CAMKK1: variants seen among roughly 807,000 people sequenced by gnomAD.
CAMKK1 encodes the protein calcium/calmodulin dependent protein kinase kinase 1.
In CAMKK1, 20 loss-of-function variants were observed where a neutral mutation model predicts 63.5. The ratio of observed to expected loss-of-function variants is 0.32; its 90% confidence interval spans 0.22 to 0.46. The LOEUF is 0.46. Ranked by LOEUF, CAMKK1 falls within the 20% of genes least tolerant of loss-of-function variation. The pLI, the probability that CAMKK1 is intolerant of heterozygous loss-of-function variation, is 1.00. For synonymous variants in CAMKK1, 253 were observed against 269.0 expected (o/e 0.94, Z 0.58); for missense variants, 588 against 658.1 (o/e 0.89, Z 1.17).
chr17:3,884,495 C>A lies in CAMKK1; in HGVS notation c.361-68G>T. On this transcript the variant is annotated intron_variant, in intron 2 of 15. Coordinates refer to ENST00000348335, the MANE Select transcript of CAMKK1 (RefSeq NM_032294.3). The surrounding 1 kb of genome is among the most constrained non-coding windows in gnomAD (Gnocchi z 4.5). The stretch of plus-strand genomic sequence containing the variant: ...GCAGCACTGCTCCTACCTCAGAGCC[C>A]GTTCAGGGTCCAATTCTGGCCATAA... The A allele has an allele frequency of 5.4e-6, 8 of 1,475,912 alleles. No homozygotes were observed. The highest frequency in any genetic ancestry group is 7.5e-6 in the Non-Finnish European group (8 of 1,066,680). The allele number at this position is 1,475,912 out of a possible 1,614,324, so 91.4% of individuals were successfully genotyped here.
At chr17:3,873,674 G>A (rs2055008067) in intron 10 of CAMKK1, among the ~76,000 whole-genome samples, 1 of 152,124 alleles carries the variant, frequency 6.6e-6, no homozygotes, top group Non-Finnish European at 1.5e-5. Context: ...ACCCTCCAGG[G>A]GTTCTGGATT....
chr17:3,875,744 T>C (rs2055120710), intron 10 of CAMKK1, among the ~76,000 whole-genome samples: 1 of 152,216 alleles, frequency 6.6e-6, no homozygotes, highest in Non-Finnish European at 1.5e-5. Flanking sequence ...CCTACGCTCC[T>C]GTCACTTAGG....
chr17:3,888,715 A>C (rs1212977849), intron 1 of CAMKK1, among the ~76,000 whole-genome samples: 1 of 152,222 alleles, frequency 6.6e-6, no homozygotes, highest in Non-Finnish European at 1.5e-5. Context: ...GGCTGACGTC[A>C]GGCTCCCCAT....
At chr17:3,871,789 ATG>A (rs2054898405) in intron 12 of CAMKK1, among the ~76,000 whole-genome samples, 4 of 149,824 alleles carry the variant, frequency 2.7e-5, no homozygotes, top group Admixed American at 6.6e-5. Flanking sequence ...GGGACTACAG[ATG>A]TGCGCCACCA....
At chr17:3,891,029 G>A (rs1275142110) in intron 1 of CAMKK1, among the ~76,000 whole-genome samples, 1 of 151,744 alleles carries the variant, frequency 6.6e-6, no homozygotes, top group African/African-American at 2.4e-5. Flanking sequence ...TGTGGTTATA[G>A]TTCTCCCAGA....
rs575617587 is a variant in CAMKK1 at position 3,869,493 on chromosome 17, G to A, written c.1335C>T (p.Thr445=). ...KNSVRLIPSW[T]TVILVKSMLR... ...TCTACCCCGGCTCTCTTACCACCGT[G>A]GTCCAGCTGGGGATGAGCCTGACTG... The change falls in exon 14 of 16, where the codon ACC becomes ACT. Residue 445 remains threonine (T), a synonymous_variant. Transcript: ENST00000348335. The A allele has an allele frequency of 1.2e-6, 2 of 1,614,194 alleles. No homozygotes were observed. The highest frequency in any genetic ancestry group is 1.3e-5 in the African/African-American group (1 of 75,054).
chr17:3,866,687 G>A (rs2054539828), intron 14 of CAMKK1, among the ~76,000 whole-genome samples: 2 of 151,870 alleles, frequency 1.3e-5, no homozygotes, highest in South Asian at 4.1e-4. Context: ...AGGCCCTGGG[G>A]CCACACTGAG....
chr17:3,882,900 G>T lies in CAMKK1; in HGVS notation c.648+142C>A. 2 of 1,110,256 alleles carry T rather than the reference G, an allele frequency of 1.8e-6. No homozygotes were observed. Among genetic ancestry groups the T allele is most frequent in the Non-Finnish European group, 2.6e-6 (2 of 784,032 alleles). 68.8% of individuals were successfully genotyped at this position (1,110,256 alleles called of 1,614,324 possible). On this transcript the variant is annotated intron_variant, in intron 6 of 15. Transcript: ENST00000348335. The surrounding 1 kb of genome is among the most constrained non-coding windows in gnomAD (Gnocchi z 4.3). Reference sequence around the variant, plus strand: ...AAGCCTTCCTGCAGCCCCACCCCAAGTCTGGCCCTGTCCTCAGAGGCCTCA... The same window carrying T: ...AAGCCTTCCTGCAGCCCCACCCCAATTCTGGCCCTGTCCTCAGAGGCCTCA...
rs1055677110 is a variant in CAMKK1 at position 3,879,551 on chromosome 17, C to T, written c.796+795G>A. The T allele has an allele frequency of 1.3e-5, 2 of 152,550 alleles. No homozygotes were observed. The highest frequency in any genetic ancestry group is 2.9e-5 in the Non-Finnish European group (2 of 68,308). The allele number at this position is 152,550 out of a possible 1,614,324, so 9.4% of individuals were successfully genotyped here. ...AGCATCATCTTTCACTAACCACGGC[C>T]CTCCTCTGCCCACTGGAGGCTTCAG... is the stretch of plus-strand genomic sequence containing the variant. On this transcript the variant is annotated intron_variant, in intron 9 of 15. Coordinates refer to ENST00000348335, the MANE Select transcript of CAMKK1 (RefSeq NM_032294.3). The surrounding 1 kb of genome is among the most constrained non-coding windows in gnomAD (Gnocchi z 4.5).
Position 3,882,190 on chromosome 17 carries a change from A to G in CAMKK1, c.685+338T>C, listed in dbSNP as rs990182153. 5.4e-6 allele frequency: 6 copies of G among 1,108,334 alleles called. No homozygotes were observed. The highest frequency in any genetic ancestry group is 6.6e-6 in the Non-Finnish European group (5 of 752,026). 68.7% of individuals were successfully genotyped at this position (1,108,334 alleles called of 1,614,324 possible). A position where few individuals can be genotyped will look rare whatever the true frequency, so the allele number is the denominator to read the frequency against. On this transcript the variant is annotated intron_variant, in intron 7 of 15. Transcript: ENST00000348335. The surrounding 1 kb of genome is among the most constrained non-coding windows in gnomAD (Gnocchi z 4.3). ...GACACCACTAGTATCCCTGTTTTAT[A>G]GGTGGGAAAACTGAGGCACAGAGCT...
chr17:3,892,307 G>GTCCACGTGACACACGCACACCCGCC lies in CAMKK1; in HGVS notation c.-44+607_-44+631dup, dbSNP rs1182337666. Among the ~76,000 whole-genome samples the GTCCACGTGACACACGCACACCCGCC allele has an allele frequency of 6.6e-6, 1 of 151,074 alleles. No individual in the cohort carries two copies. The highest frequency in any genetic ancestry group is 1.5e-5 in the Non-Finnish European group (1 of 67,854). On this transcript the variant is annotated intron_variant, in intron 1 of 15. Transcript: ENST00000348335. The surrounding 1 kb of genome is among the most constrained non-coding windows in gnomAD (Gnocchi z 7.5). Reference sequence around the variant, plus strand: ...CACGCAGACACAGGCACACTCCCGCGTCCACGTGACACACGCACACCCGCC... The same window carrying GTCCACGTGACACACGCACACCCGCC: ...CACGCAGACACAGGCACACTCCCGCGTCCACGTGACACACGCACACCCGCCTCCACGTGACACACGCACACCCGCC...
rs1326910996 is a variant in CAMKK1 at position 3,882,519 on chromosome 17, G to A, written c.685+9C>T. On this transcript the variant is annotated intron_variant, in intron 7 of 15. Transcript: ENST00000348335. The surrounding 1 kb of genome is among the most constrained non-coding windows in gnomAD (Gnocchi z 4.3). ...GTGAGCTGCTGTGGGAATGAGCCAG[G>A]TCACTCACCCAAATAGAGGTTGTCC... is the stretch of plus-strand genomic sequence containing the variant. 1.3e-6 allele frequency: 2 copies of A among 1,595,468 alleles called. No homozygotes were observed. The highest frequency in any genetic ancestry group is 1.7e-6 in the Non-Finnish European group (2 of 1,170,338).
At position 3,884,896 on chromosome 17, in the gene CAMKK1, T is replaced by G. The variant is rs1282724625; in HGVS notation, c.360+432A>C. On this transcript the variant is annotated intron_variant, in intron 2 of 15. Coordinates refer to ENST00000348335, the MANE Select transcript of CAMKK1 (RefSeq NM_032294.3). The surrounding 1 kb of genome is among the most constrained non-coding windows in gnomAD (Gnocchi z 4.5). ...AGACTGCTTGGAACCTGAGTTCACT[T>G]TCAGACCTAAATGGCAAGAACTCCA... is the stretch of plus-strand genomic sequence containing the variant. Among the ~76,000 whole-genome samples, 2 of 152,104 alleles carry G rather than the reference T, an allele frequency of 1.3e-5. No homozygotes were observed. The highest frequency in any genetic ancestry group is 3.9e-4 in the East Asian group (2 of 5,190).
In CAMKK1 at chr17:3,882,323, C is replaced by A. The variant is rs915095952; in HGVS notation, c.685+205G>T. 3 of 1,613,528 alleles carry A rather than the reference C, an allele frequency of 1.9e-6. No homozygotes were observed. The highest frequency in any genetic ancestry group is 1.7e-5 in the Admixed American group (1 of 59,972). On this transcript the variant is annotated intron_variant, in intron 7 of 15. Transcript: ENST00000348335. The surrounding 1 kb of genome is among the most constrained non-coding windows in gnomAD (Gnocchi z 4.3). ...GAGGGAAGCAGGGAGTGGGGCTTGGCGATATTTGTTGAATCTAACTGGATA... is the reference window on the plus strand; with the variant it reads ...GAGGGAAGCAGGGAGTGGGGCTTGGAGATATTTGTTGAATCTAACTGGATA...
In CAMKK1 at chr17:3,868,139, AGAAG is replaced by A. The variant is rs2054633219; in HGVS notation, c.1341+1344_1341+1347del. 4.6e-4 allele frequency among the ~76,000 whole-genome samples: 13 copies of A among 28,410 alleles called. 1 individual carries two copies. The highest frequency in any genetic ancestry group is 6.2e-4 in the Admixed American group (2 of 3,218). The allele number at this position is 28,410 out of a possible 152,430, so 18.6% of individuals were successfully genotyped here. Reference sequence around the variant, plus strand: ...CTAACTGATACGTGGGCTCTGGGGGAGAAGCAGGCGCCGTCTAACTGATACGTGG... The same window carrying A: ...CTAACTGATACGTGGGCTCTGGGGGACAGGCGCCGTCTAACTGATACGTGG... On this transcript the variant is annotated intron_variant, in intron 14 of 15. Coordinates refer to ENST00000348335, the MANE Select transcript of CAMKK1 (RefSeq NM_032294.3).
Position 3,891,924 on chromosome 17 carries a change from T to C in CAMKK1, c.-44+1015A>G, listed in dbSNP as rs768169358. ...TAGGTGAGGTTTAAAACGACTCCCA[T>C]GGCTGCTGTGAGGACTGACGGTGGG... On this transcript the variant is annotated intron_variant, in intron 1 of 15. Coordinates refer to ENST00000348335, the MANE Select transcript of CAMKK1 (RefSeq NM_032294.3). Among the ~76,000 whole-genome samples, 17 of 151,968 alleles carry C rather than the reference T, an allele frequency of 1.1e-4. 1 individual carries two copies.
chr17:3,869,425 G>A (rs997570642), intron 14 of CAMKK1, 62 bp downstream of exon 14: 3 of 1,604,228 alleles, frequency 1.9e-6, no homozygotes, highest in Non-Finnish European at 2.6e-6. Flanking sequence ...GCCAGGCACA[G>A]AGCAAGGCTC....
Position 3,883,271 on chromosome 17 carries a change from G to A in CAMKK1, c.515-96C>T. On this transcript the variant is annotated intron_variant, in intron 5 of 15. Transcript: ENST00000348335. This position sits in a 1 kb window ranked among gnomAD's most constrained non-coding sequence, Gnocchi z 4.7. ...TCAAGCAAGAGTCTTGCATGCCCGTGGTCTTGTCCCAACCCACAGGGCACA... is the reference window on the plus strand; with the variant it reads ...TCAAGCAAGAGTCTTGCATGCCCGTAGTCTTGTCCCAACCCACAGGGCACA... 6.5e-7 allele frequency: 1 copy of A among 1,543,838 alleles called. No individual in the cohort carries two copies. The highest frequency in any genetic ancestry group is 1.1e-5 in the South Asian group (1 of 88,356).
rs1188609820 is a variant in CAMKK1 at position 3,871,501 on chromosome 17, C to T, written c.1124+1053G>A. On this transcript the variant is annotated intron_variant, in intron 12 of 15. Transcript: ENST00000348335. ...TCTCGAGTAGCTGGGACTACAGGCA[C>T]CCGCCACCACGCCCGGCTAATTTTT... Among the ~76,000 whole-genome samples, 7 of 142,826 alleles carry T rather than the reference C, an allele frequency of 4.9e-5. No homozygotes were observed. The East Asian group carries it at 6.0e-4, about 12-fold the overall frequency. 93.7% of individuals were successfully genotyped at this position (142,826 alleles called of 152,430 possible). A position where few individuals can be genotyped will look rare whatever the true frequency, so the allele number is the denominator to read the frequency against.
Sources: allele counts gnomAD v4.1 joint callset (sites outside exome capture counted in the v4.1 genomes callset), GRCh38; gene constraint gnomAD v4.1.1; non-coding constraint Gnocchi (gnomAD v3.1); transcripts MANE v1.5; gene names NCBI Gene and HGNC (gene_info 2026-07-23, HGNC 2026-07-21).